Variants in RAPGEF2 observed in about 807,000 individuals in gnomAD.
The protein encoded by RAPGEF2 is PDZ domain containing guanine nucleotide exchange factor (GEF) 1.
RAPGEF2 carries 54 observed loss-of-function variants against 186.7 expected under a neutral mutation model. That is an observed-to-expected ratio of 0.29 (90% CI 0.23 to 0.36). The LOEUF (loss-of-function observed/expected upper bound fraction) is 0.36. RAPGEF2 is among the 10% of genes least tolerant of loss of function. RAPGEF2 has a pLI of 1.00. For missense variants in RAPGEF2, 1,532 were observed against 2,045.0 expected (o/e 0.75, Z 4.84); for synonymous variants, 712 against 705.9 (o/e 1.01, Z -0.14).
intron 1 of RAPGEF2, among the ~76,000 whole-genome samples, chr4:159,155,237 A>G (rs2111201929): frequency 6.6e-6 from 1 of 152,318 alleles, no homozygotes; most frequent in African/African-American, 2.4e-5. Context: ...TACGTAGGTG[A>G]GAAAAAGTTG....
At chr4:159,296,906 A>T (rs560682370) in intron 7 of RAPGEF2, among the ~76,000 whole-genome samples, 2 of 152,316 alleles carry the variant, frequency 1.3e-5, no homozygotes, top group Non-Finnish European at 2.9e-5. Flanking sequence ...TCCTAAAAGT[A>T]TTTGCTTTGA....
chr4:159,276,716 A>T (rs546684525), intron 7 of RAPGEF2, among the ~76,000 whole-genome samples: 5 of 152,252 alleles, frequency 3.3e-5, no homozygotes, highest in African/African-American at 1.2e-4. Context: ...ATATTCCCAG[A>T]TTTCTTTACC....
chr4:159,278,941 GAGACAGTACACTTGAGTACACTTGAT>G (rs1217044276), intron 7 of RAPGEF2, among the ~76,000 whole-genome samples: 6 of 152,196 alleles, frequency 3.9e-5, no homozygotes, highest in Non-Finnish European at 7.3e-5. Flanking sequence ...ACGTGAGGCA[GAGACAGTACACTTGAGTACACTTGAT>G]GTTTCCCTTT....
At chr4:159,230,990 G>T (rs1752569281) in intron 4 of RAPGEF2, among the ~76,000 whole-genome samples, 1 of 152,126 alleles carries the variant, frequency 6.6e-6, no homozygotes, top group Non-Finnish European at 1.5e-5. Context: ...ATATATGTCA[G>T]AAATAATATT....
At chr4:159,352,590 A>G (rs1228992667) in intron 26 of RAPGEF2, 95 bp from the exon 27 acceptor site, 11 of 957,918 alleles carry the variant, frequency 1.1e-5, no homozygotes, top group Middle Eastern at 2.5e-4. Flanking sequence ...AGAGATATCT[A>G]TGCCTGCATT....
rs778129590 is a variant in RAPGEF2, at chr4:159,330,419, A to G, written c.1388A>G (p.Tyr463Cys). 3 of 1,608,188 alleles carry G rather than the reference A, an allele frequency of 1.9e-6. No individual in the cohort carries two copies. The highest frequency in any genetic ancestry group is 1.3e-5 in the African/African-American group (1 of 74,524). Residue 463 changes from tyrosine to cysteine, a missense_variant, in exon 13 of 30, where the codon TAT becomes TGT. Physicochemically the swap from Tyr to Cys is radical, Grantham distance 194. This residue lies in a region of RAPGEF2 where 810 missense variants were observed against 1,210.5 expected (regional missense o/e 0.67). Coordinates refer to ENST00000691494, the MANE Select transcript of RAPGEF2 (RefSeq NM_001394067.2). Reference sequence around the variant, plus strand: ...TTCATAGAAGACTTTCTGTTGACCTATAGGACTTTTCTTTCTAGCCCAATG... The same window carrying G: ...TTCATAGAAGACTTTCTGTTGACCTGTAGGACTTTTCTTTCTAGCCCAATG... ...PTFIEDFLLT[Y>C]RTFLSSPMEV...
chr4:159,353,386 C>T lies in RAPGEF2; in HGVS notation c.4092-101C>T. Reference sequence around the variant, plus strand: ...TTTTATCCTGTTTCTGGGATGAAAGCAAGCTACCTTTCTAGGAAAAAGGGT... The same window carrying T: ...TTTTATCCTGTTTCTGGGATGAAAGTAAGCTACCTTTCTAGGAAAAAGGGT... On this transcript the variant is annotated intron_variant, in intron 27 of 29. Transcript: ENST00000691494. This position sits in a 1 kb window ranked among gnomAD's most constrained non-coding sequence, Gnocchi z 4.3. 2.1e-6 allele frequency: 2 copies of T among 957,370 alleles called. No homozygotes were observed. The highest frequency in any genetic ancestry group is 2.9e-6 in the Non-Finnish European group (2 of 694,980). The allele number at this position is 957,370 out of a possible 1,614,324, so 59.3% of individuals were successfully genotyped here.
chr4:159,121,240 A>G (rs190079521), intron 1 of RAPGEF2, among the ~76,000 whole-genome samples: 2 of 152,302 alleles, frequency 1.3e-5, no homozygotes, highest in East Asian at 3.9e-4. Context: ...TGAGAGTTTT[A>G]GACTTGGTGG....
chr4:159,356,077 A>C lies in RAPGEF2; in HGVS notation c.4876A>C (p.Lys1626Gln), dbSNP rs539546211. Residue 1626 changes from lysine (K) to glutamine (Q), a missense_variant, in exon 29 of 30, where the codon AAA (lysine) becomes CAA (glutamine). Coordinates refer to ENST00000691494, the MANE Select transcript of RAPGEF2 (RefSeq NM_001394067.2). ...TCCCACCAGCAGCAGGCCTGTGAAC[A>C]AACCTCAGTGGCATAAACCGAACGA... is the stretch of plus-strand genomic sequence containing the variant. ...GHPTSSRPVN[K>Q]PQWHKPNESD... is the part of the protein sequence containing the mutation. The C allele has an allele frequency of 6.2e-7, 1 of 1,614,210 alleles. No homozygotes were observed. Among genetic ancestry groups the C allele is most frequent in the African/African-American group, 1.3e-5 (1 of 75,050 alleles).
At chr4:159,273,358 C>T (rs1758353059) in intron 7 of RAPGEF2, among the ~76,000 whole-genome samples, 1 of 152,178 alleles carries the variant, frequency 6.6e-6, no homozygotes, top group Non-Finnish European at 1.5e-5. Flanking sequence ...CTTGCCAAGA[C>T]ATTGCATACT....
chr4:159,256,544 A>G (rs963981325), intron 7 of RAPGEF2, among the ~76,000 whole-genome samples: 12 of 152,254 alleles, frequency 7.9e-5, no homozygotes, highest in African/African-American at 2.4e-4. Context: ...GATGATTTCT[A>G]TTCTTTGGGT....
intron 4 of RAPGEF2, among the ~76,000 whole-genome samples, chr4:159,237,241 G>A (rs939309465): frequency 4.6e-5 from 7 of 151,980 alleles, no homozygotes; most frequent in African/African-American, 1.7e-4. Flanking sequence ...AGCTGGTCTC[G>A]AACTCCTGGG....
intron 4 of RAPGEF2, among the ~76,000 whole-genome samples, chr4:159,224,091 G>T (rs1476621776): frequency 6.6e-6 from 1 of 152,062 alleles, no homozygotes; most frequent in Admixed American, 6.5e-5. Context: ...TAAAGATGGG[G>T]TTTTGCCATG....
intron 1 of RAPGEF2, among the ~76,000 whole-genome samples, chr4:159,119,008 A>G (rs1204875008): frequency 6.6e-6 from 1 of 152,106 alleles, no homozygotes; most frequent in Non-Finnish European, 1.5e-5. Flanking sequence ...TTAACTTTTC[A>G]TCGTTGGTTT....
chr4:159,280,862 T>C (rs1202021963), intron 7 of RAPGEF2, among the ~76,000 whole-genome samples: 1 of 152,158 alleles, frequency 6.6e-6, no homozygotes, highest in African/African-American at 2.4e-5. Context: ...AGGAAAGAAC[T>C]ATTCCAACTA....
intron 5 of RAPGEF2, among the ~76,000 whole-genome samples, chr4:159,240,286 A>C (rs964040636): frequency 1.3e-5 from 2 of 151,146 alleles, no homozygotes; most frequent in Non-Finnish European, 2.9e-5. Flanking sequence ...CATGAGGAAT[A>C]ACCTAATGTA....
chr4:159,345,429 G>C (rs935576185), intron 24 of RAPGEF2, 100 bp downstream of exon 24: 27 of 1,039,376 alleles, frequency 2.6e-5, no homozygotes, highest in African/African-American at 1.6e-4. Flanking sequence ...TAGTGCAGAG[G>C]GGGAGCTAGC....
rs760669443 is a variant in RAPGEF2 at position 159,350,158 on chromosome 4, TA to T, written c.3742del (p.Ile1248PhefsTer98). 12 of 1,568,518 alleles carry T rather than the reference TA, an allele frequency of 7.7e-6. No individual in the cohort carries two copies. The highest frequency in any genetic ancestry group is 2.3e-5 in the East Asian group (1 of 43,664). ...ATAGGCATAAACTCTCCACAAGCTT[TA>T]AAAAAAATTCTTTCTTTGTCTGAAG... is the stretch of plus-strand genomic sequence containing the variant. ...PPFGINSPQALKKILSLSEEG... is the reference protein window; with the variant it reads ...PPFGINSPQAXKKILSLSEEG... On this transcript the variant is annotated frameshift_variant, in exon 26 of 30. Coordinates refer to ENST00000691494, the MANE Select transcript of RAPGEF2 (RefSeq NM_001394067.2). LOFTEE classifies it high-confidence loss of function.
chr4:159,352,058 T>C (rs1172068428), intron 26 of RAPGEF2, among the ~76,000 whole-genome samples: 1 of 152,274 alleles, frequency 6.6e-6, no homozygotes, highest in Admixed American at 6.5e-5. Flanking sequence ...GACATCTGTT[T>C]AGATATTCTA....
Sources: gnomAD v4.1 joint callset for allele counts (sites outside exome capture counted in the v4.1 genomes callset) on GRCh38, gnomAD v4.1.1 for gene constraint, gnomAD v4.1.1 regional missense constraint, Gnocchi (gnomAD v3.1) non-coding constraint, MANE v1.5 for transcripts, NCBI Gene and HGNC (gene_info 2026-07-23, HGNC 2026-07-21) for gene names.